Variants in GPR158 observed in about 807,000 individuals in gnomAD.
The protein encoded by GPR158 is metabotropic glycine receptor.
A neutral mutation model predicts 78.2 loss-of-function variants in GPR158; 30 were observed. That is an observed-to-expected ratio of 0.38 (90% CI 0.29 to 0.52). The LOEUF is 0.52. GPR158 is among the 20% of genes least tolerant of loss of function. The probability of loss-of-function intolerance (pLI) is 0.83; values close to 1 mark genes in which losing one functional copy is unlikely to be tolerated. For synonymous variants in GPR158, 581 were observed against 591.1 expected, an observed-to-expected ratio of 0.98 and a Z score of 0.25; for missense variants, 1,463 against 1,523.5, an observed-to-expected ratio of 0.96 and a Z score of 0.66.
intron 1 of GPR158, among the ~76,000 whole-genome samples, chr10:25,211,044 A>G (rs1006933568): frequency 3.2e-4 from 49 of 152,034 alleles, no homozygotes; most frequent in African/African-American, 1.1e-3. Flanking sequence ...AGGCAGGAGA[A>G]TCGCTTAAAC....
chr10:25,245,760 A>C lies in GPR158; in HGVS notation c.1008+24603A>C, dbSNP rs1853681573. On this transcript the variant is annotated intron_variant, in intron 2 of 10. Coordinates refer to ENST00000376351, the MANE Select transcript of GPR158 (RefSeq NM_020752.3). ...ATTTTGGAAATTGTGTTTCCAACAT[A>C]ATCTTTTATTAAAAATACTGAAAAG... 2.6e-5 allele frequency among the ~76,000 whole-genome samples: 4 copies of C among 152,216 alleles called. 1 individual carries two copies. In the South Asian group the frequency reaches 8.3e-4, roughly 31 times the overall value.
At chr10:25,524,696 T>C (rs1006352871) in intron 5 of GPR158, among the ~76,000 whole-genome samples, 1 of 152,112 alleles carries the variant, frequency 6.6e-6, no homozygotes, top group African/African-American at 2.4e-5. Context: ...GAAGGAAACA[T>C]AGATATAAAT....
At chr10:25,252,685 C>T (rs1408670359) in intron 2 of GPR158, among the ~76,000 whole-genome samples, 1 of 152,204 alleles carries the variant, frequency 6.6e-6, no homozygotes, top group Non-Finnish European at 1.5e-5. Flanking sequence ...AGATCTCCAG[C>T]TGCGTGCTGG....
At chr10:25,510,099 A>T (rs1385182625) in intron 5 of GPR158, among the ~76,000 whole-genome samples, 1 of 152,218 alleles carries the variant, frequency 6.6e-6, no homozygotes, top group East Asian at 1.9e-4. Context: ...TACAAGGTGC[A>T]AGGAGGTAAG....
chr10:25,527,633 T>C (rs1836367600), intron 5 of GPR158, among the ~76,000 whole-genome samples: 2 of 152,048 alleles, frequency 1.3e-5, no homozygotes, highest in Non-Finnish European at 2.9e-5. Context: ...AGAAAAAATA[T>C]GAACTATGAT....
intron 5 of GPR158, among the ~76,000 whole-genome samples, chr10:25,472,235 C>G (rs1835517197): frequency 1.3e-5 from 2 of 151,986 alleles, no homozygotes; most frequent in Admixed American, 6.5e-5. Flanking sequence ...TTCCCCATTT[C>G]TTGTTTTTGT....
At chr10:25,457,193 C>T (rs969552299) in intron 4 of GPR158, among the ~76,000 whole-genome samples, 13 of 118,584 alleles carry the variant, frequency 1.1e-4, no homozygotes, top group Non-Finnish European at 1.8e-4. Context: ...TGGGATTTCA[C>T]CATGTTTGCC....
chr10:25,433,368 G>T (rs139649686), intron 4 of GPR158, among the ~76,000 whole-genome samples: 35 of 152,166 alleles, frequency 2.3e-4, no homozygotes, highest in African/African-American at 7.7e-4. Context: ...ATTCTTGCTG[G>T]ATGCCTATAG....
intron 1 of GPR158, among the ~76,000 whole-genome samples, chr10:25,212,627 C>CTTTTTTTTTTTTTTTTTTTTTTTT (rs10642944): frequency 2.5e-5 from 2 of 78,572 alleles, no homozygotes; most frequent in Middle Eastern, 7.8e-3. Flanking sequence ...GAATTTATAG[C>CTTTTTTTTTTTTTTTTTTTTTTTT]TTTTTTTTTT....
chr10:25,565,391 T>C (rs780506591), intron 6 of GPR158, among the ~76,000 whole-genome samples: 4 of 152,048 alleles, frequency 2.6e-5, no homozygotes, highest in Non-Finnish European at 4.4e-5. Context: ...CAAGGATAAA[T>C]GGGATTTGAA....
rs116876242 is a variant in GPR158 at position 25,465,012 on chromosome 10, T to C, written c.1336-1639T>C. On this transcript the variant is annotated intron_variant, in intron 4 of 10. Coordinates refer to ENST00000376351, the MANE Select transcript of GPR158 (RefSeq NM_020752.3). ...CTAAACTTGTTTCTCTATTCCCAAA[T>C]TCTTAAATTAATGCAAGCCCTGAGT... is the stretch of plus-strand genomic sequence containing the variant. Among the ~76,000 whole-genome samples, 66 of 152,308 alleles carry C rather than the reference T, an allele frequency of 4.3e-4. No individual in the cohort carries two copies. In the East Asian group the frequency reaches 0.012, roughly 29 times the overall value.
At chr10:25,224,303 G>C (rs1362337363) in intron 2 of GPR158, among the ~76,000 whole-genome samples, 1 of 151,786 alleles carries the variant, frequency 6.6e-6, no homozygotes, top group Non-Finnish European at 1.5e-5. Context: ...GAAATATTAG[G>C]AGAGTATCCT....
chr10:25,488,757 G>A (rs1042857962), intron 5 of GPR158, among the ~76,000 whole-genome samples: 2 of 152,018 alleles, frequency 1.3e-5, no homozygotes, highest in Non-Finnish European at 2.9e-5. Context: ...AATCTATGAG[G>A]CTATTAGATG....
At chr10:25,246,768 A>T (rs1045816712) in intron 2 of GPR158, among the ~76,000 whole-genome samples, 7 of 152,194 alleles carry the variant, frequency 4.6e-5, no homozygotes, top group Admixed American at 1.3e-4. Context: ...TAAGTTAAAG[A>T]GTCACTGCTT....
chr10:25,236,797 CA>C (rs1853532883), intron 2 of GPR158, among the ~76,000 whole-genome samples: 1 of 152,132 alleles, frequency 6.6e-6, no homozygotes, highest in Admixed American at 6.5e-5. Context: ...TCTACTGTAA[CA>C]CCTAGAATGC....
At chr10:25,448,242 G>T (rs552298905) in intron 4 of GPR158, among the ~76,000 whole-genome samples, 7 of 151,708 alleles carry the variant, frequency 4.6e-5, no homozygotes, top group Admixed American at 4.6e-4. Flanking sequence ...CCGCCACCAC[G>T]CCTGGCTAAT....
chr10:25,307,024 G>GAA (rs1370143051), intron 2 of GPR158, among the ~76,000 whole-genome samples: 2 of 151,262 alleles, frequency 1.3e-5, no homozygotes, highest in Non-Finnish European at 2.9e-5. Context: ...TACAGAGAGA[G>GAA]AGAGAGAGAG....
At position 25,195,571 on chromosome 10, in the gene GPR158, C is replaced by T. The variant is rs555041449; in HGVS notation, c.902+19249C>T. 3.3e-5 allele frequency among the ~76,000 whole-genome samples: 5 copies of T among 152,284 alleles called. 1 individual carries two copies. Among genetic ancestry groups the T allele is most frequent in the African/African-American group, 1.2e-4 (5 of 41,546 alleles). ...AATTCATATTTTTATTGAAGACATT[C>T]CTGGAGTCCTGTGATTTGTATAAGT... On this transcript the variant is annotated intron_variant, in intron 1 of 10. Coordinates refer to ENST00000376351, the MANE Select transcript of GPR158 (RefSeq NM_020752.3).
intron 2 of GPR158, among the ~76,000 whole-genome samples, chr10:25,312,480 A>C (rs573883000): frequency 7.2e-5 from 11 of 152,118 alleles, no homozygotes; most frequent in South Asian, 6.2e-4. Context: ...TTTTCCGTGA[A>C]GTAGAGTTCA....
Sources: allele counts gnomAD v4.1 joint callset (sites outside exome capture counted in the v4.1 genomes callset), GRCh38; gene constraint gnomAD v4.1.1; transcripts MANE v1.5; gene names NCBI Gene and HGNC (gene_info 2026-07-23, HGNC 2026-07-21).